The following CDH23 variants were observed in gnomAD, a reference collection of about 807,000 sequenced individuals.
The protein encoded by CDH23 is cadherin-23.
Under a neutral mutation model 317.1 loss-of-function variants are expected in CDH23, and 189 were observed. The ratio of observed to expected loss-of-function variants is 0.60; its 90% CI spans 0.53 to 0.67. The LOEUF (loss-of-function observed/expected upper bound fraction) is 0.67, where lower values mean the gene tolerates loss of function less well. Among genes scored for constraint, CDH23 ranks in the 30% least tolerant of loss-of-function variants. The probability of loss-of-function intolerance (pLI) is 0.00; values close to 1 mark genes in which losing one functional copy is unlikely to be tolerated. For missense variants in CDH23, 4,401 were observed against 4,592.4 expected (o/e 0.96, Z 1.20); for synonymous variants, 1,839 against 1,876.8 (o/e 0.98, Z 0.52).
chr10:71,515,122 G>A (rs751870371), intron 6 of CDH23, among the ~76,000 whole-genome samples: 1 of 152,174 alleles, frequency 6.6e-6, no homozygotes, highest in Non-Finnish European at 1.5e-5. Context: ...AAGTCTGGTG[G>A]TGCCAGATGG....
At chr10:71,588,018 G>A (rs1263573789) in intron 9 of CDH23, among the ~76,000 whole-genome samples, 1 of 152,152 alleles carries the variant, frequency 6.6e-6, no homozygotes, top group Non-Finnish European at 1.5e-5. Flanking sequence ...GTCTCTCTGG[G>A]CTCAGCTTAG....
intron 6 of CDH23, among the ~76,000 whole-genome samples, chr10:71,513,841 T>C (rs755185743): frequency 2.0e-5 from 3 of 152,098 alleles, no homozygotes; most frequent in Non-Finnish European, 4.4e-5. Context: ...TTCAGCACCT[T>C]ATCGTTCTTT....
chr10:71,709,246 T>C, intron 27 of CDH23, 35 bp downstream of exon 27: 1 of 1,580,812 alleles, frequency 6.3e-7, no homozygotes, highest in South Asian at 1.1e-5. Context: ...AACACAGTGA[T>C]CTGGGCAGAG....
intron 3 of CDH23, among the ~76,000 whole-genome samples, chr10:71,505,660 C>T (rs1338395710): frequency 1.3e-5 from 2 of 152,136 alleles, no homozygotes; most frequent in Admixed American, 6.5e-5. Context: ...GTACCAATAG[C>T]GTCTGCTGCG....
intron 6 of CDH23, among the ~76,000 whole-genome samples, chr10:71,546,148 C>T (rs1011019024): frequency 3.0e-4 from 45 of 152,102 alleles, no homozygotes; most frequent in African/African-American, 5.3e-4. Flanking sequence ...TATCCCCTCT[C>T]GGTGTCTTGT....
intron 46 of CDH23, 48 bp downstream of exon 46, chr10:71,790,461 G>A (rs2132948268): frequency 4.4e-6 from 7 of 1,599,980 alleles, no homozygotes; most frequent in East Asian, 2.2e-5. Flanking sequence ...TCTGGGGTGG[G>A]GATGGCCACA....
intron 11 of CDH23, among the ~76,000 whole-genome samples, chr10:71,622,688 T>C (rs1415168233): frequency 6.6e-6 from 1 of 152,202 alleles, no homozygotes; most frequent in Admixed American, 6.5e-5. Flanking sequence ...GAAATACCAT[T>C]TGCGGATGTC....
intron 14 of CDH23, among the ~76,000 whole-genome samples, chr10:71,662,624 A>C (rs923867178): frequency 1.3e-5 from 2 of 152,088 alleles, no homozygotes; most frequent in African/African-American, 4.8e-5. Context: ...CACTTAACTG[A>C]GCCTCAGACA....
chr10:71,502,328 A>G (rs1358707701), intron 3 of CDH23, among the ~76,000 whole-genome samples: 1 of 152,242 alleles, frequency 6.6e-6, no homozygotes, highest in Non-Finnish European at 1.5e-5. Context: ...TGGTGGCTGC[A>G]TGGAACCCTG....
chr10:71,664,638 C>T (rs12356487), intron 14 of CDH23, among the ~76,000 whole-genome samples: 40,307 of 152,154 alleles, frequency 0.26, 5,694 homozygotes, highest in Middle Eastern at 0.36. Flanking sequence ...TAGAAAGCGG[C>T]GCCTGTGTGC....
chr10:71,778,004 G>A, intron 39 of CDH23, 103 bp downstream of exon 39: 3 of 1,459,076 alleles, frequency 2.1e-6, no homozygotes, highest in Non-Finnish European at 2.8e-6. Flanking sequence ...ATGCAGTCTA[G>A]GGGAAACTGT....
chr10:71,547,816 T>C (rs1826676286), intron 6 of CDH23, among the ~76,000 whole-genome samples: 1 of 152,200 alleles, frequency 6.6e-6, no homozygotes, highest in African/African-American at 2.4e-5. Flanking sequence ...TATGCCGTCT[T>C]TGAGACTCCT....
At chr10:71,564,618 A>G (rs1006054826) in intron 6 of CDH23, among the ~76,000 whole-genome samples, 1 of 152,184 alleles carries the variant, frequency 6.6e-6, no homozygotes, top group African/African-American at 2.4e-5. Flanking sequence ...GGACAGTCAA[A>G]TGTCCTCGCC....
chr10:71,752,944 G>T (rs1398290934), intron 38 of CDH23: 1 of 1,610,894 alleles, frequency 6.2e-7, no homozygotes, highest in Non-Finnish European at 8.5e-7. Context: ...GGCCCAGGAA[G>T]TTTTCTCAAG....
At position 71,646,381 on chromosome 10, in the gene CDH23, T is replaced by C. The variant is rs1181850653; in HGVS notation, c.1291-78T>C. The C allele has an allele frequency of 3.2e-6, 5 of 1,574,356 alleles. No individual in the cohort carries two copies. The African/African-American group carries it at 5.4e-5, about 17-fold the overall frequency. On this transcript the variant is annotated intron_variant, in intron 13 of 69. Coordinates refer to ENST00000224721, the MANE Select transcript of CDH23 (RefSeq NM_022124.6). ...CTCTGGGCTGGGGCCGGCAAAGGCA[T>C]GGAGAGGACTTACAGGGACAAGGAC...
chr10:71,554,308 C>T (rs1856763978), intron 6 of CDH23, among the ~76,000 whole-genome samples: 1 of 152,092 alleles, frequency 6.6e-6, no homozygotes. Context: ...AGCATTCTTC[C>T]CATCTTAGAG....
At chr10:71,427,189 AG>A (rs1849117469) in intron 1 of CDH23, among the ~76,000 whole-genome samples, 1 of 27,880 alleles carries the variant, frequency 3.6e-5, no homozygotes, top group African/African-American at 1.4e-4. Flanking sequence ...GAAGGAAGGA[AG>A]GAAAGAGAAA....
At chr10:71,769,695 G>T (rs536025171) in intron 38 of CDH23, among the ~76,000 whole-genome samples, 35 of 152,318 alleles carry the variant, frequency 2.3e-4, no homozygotes, top group Admixed American at 1.2e-3. Context: ...AACAGCAGAG[G>T]CAGGGTTTGA....
intron 6 of CDH23, among the ~76,000 whole-genome samples, chr10:71,555,513 T>C (rs890848690): frequency 6.6e-6 from 1 of 152,246 alleles, no homozygotes; most frequent in Non-Finnish European, 1.5e-5. Flanking sequence ...TGATGCATGA[T>C]ACCCTCTGCT....
Sources: gnomAD v4.1 joint callset for allele counts (sites outside exome capture counted in the v4.1 genomes callset) on GRCh38, gnomAD v4.1.1 for gene constraint, MANE v1.5 for transcripts, NCBI Gene and HGNC (gene_info 2026-07-23, HGNC 2026-07-21) for gene names.